The following ACOT11 variants were observed in gnomAD, a reference collection of about 807,000 sequenced individuals.
The protein encoded by ACOT11 is acyl-CoA thioesterase 11.
ACOT11 carries 69 observed loss-of-function variants against 77.5 expected under a neutral mutation model. The ratio of observed to expected loss-of-function variants is 0.89; its 90% CI spans 0.73 to 1.09. The LOEUF is 1.09. Among genes scored for constraint, ACOT11 ranks in the 50% least tolerant of loss-of-function variants. The probability of loss-of-function intolerance (pLI) is 0.00; values close to 1 mark genes in which losing one functional copy is unlikely to be tolerated. For missense variants in ACOT11, 766 were observed against 813.7 expected (o/e 0.94, Z 0.71); for synonymous variants, 279 against 313.0 (o/e 0.89, Z 1.15).
intron 1 of ACOT11, among the ~76,000 whole-genome samples, chr1:54,562,268 C>A (rs1653538159): frequency 3.4e-5 from 4 of 117,900 alleles, no homozygotes; most frequent in Non-Finnish European, 5.3e-5. Context: ...AGGCGGGGGG[C>A]TGACCCCCCA....
chr1:54,603,816 G>A, intron 10 of ACOT11, 55 bp from the exon 11 acceptor site: 1 of 1,545,100 alleles, frequency 6.5e-7, no homozygotes, highest in Non-Finnish European at 8.9e-7. Context: ...AGTAGAGTCT[G>A]TGGAAAGTGC....
exon 17 of ACOT11, chr1:54,635,024 C>T (rs1644323452): frequency 2.5e-6 from 1 of 403,740 alleles, no homozygotes; most frequent in African/African-American, 2.1e-5. Flanking sequence ...TGCCTGGATG[C>T]AATCATTCTA....
In ACOT11 at chr1:54,603,944, C is replaced by A; in HGVS notation, c.1152+7C>A. The A allele has an allele frequency of 2.5e-6, 4 of 1,613,636 alleles. No individual in the cohort carries two copies. The South Asian group carries it at 4.4e-5, about 18-fold the overall frequency. ...CTGGGACCCTAGCAACCAGGTAAGG[C>A]TCTCTGCTCCGAGAGGACAGTCTTC... is the stretch of plus-strand genomic sequence containing the variant. On this transcript the variant is annotated splice_region_variant and intron_variant, in intron 11 of 15. Transcript: ENST00000343744.
intron 13 of ACOT11, 67 bp downstream of exon 13, chr1:54,605,276 T>G: frequency 6.4e-7 from 1 of 1,557,238 alleles, no homozygotes; most frequent in Non-Finnish European, 8.7e-7. Context: ...GAGTGTCTCC[T>G]TCTGCGGGTC....
chr1:54,594,016 G>A lies in ACOT11; in HGVS notation c.448G>A (p.Val150Met), dbSNP rs780870855. The A allele has an allele frequency of 6.2e-6, 10 of 1,614,048 alleles. No homozygotes were observed. The highest frequency in any genetic ancestry group is 2.2e-5 in the East Asian group (1 of 44,880). Reference sequence around the variant, plus strand: ...TGTGTGCAAGGCCTTGGCCACCTTCGTGGCCCGCCGAGAGATCACCAAGGT... The same window carrying A: ...TGTGTGCAAGGCCTTGGCCACCTTCATGGCCCGCCGAGAGATCACCAAGGT... ...WNVCKALATFVARREITKVKL... is the reference protein window; with the variant it reads ...WNVCKALATFMARREITKVKL... The change falls in exon 5 of 16, where the codon GTG becomes ATG. Residue 150 changes from valine to methionine, a missense_variant. Physicochemically the swap from Val to Met is conservative, Grantham distance 21. Coordinates refer to ENST00000343744, the MANE Select transcript of ACOT11 (RefSeq NM_147161.4).
intron 7 of ACOT11, chr1:54,598,385 T>G (rs1408769537): frequency 1.3e-5 from 2 of 152,252 alleles, no homozygotes; most frequent in Non-Finnish European, 2.9e-5. Context: ...CTTTCTTCTG[T>G]CCCCTCAAAC....
chr1:54,638,326 A>C (rs1644342436), exon 17 of ACOT11: 1 of 152,174 alleles, frequency 6.6e-6, no homozygotes, highest in South Asian at 2.1e-4. Flanking sequence ...TGAGAATTAT[A>C]ATTTTTTGGC....
intron 1 of ACOT11, among the ~76,000 whole-genome samples, chr1:54,559,190 G>A (rs964263690): frequency 2.6e-5 from 4 of 152,314 alleles, no homozygotes; most frequent in Admixed American, 1.3e-4. Flanking sequence ...TGGAACTTCC[G>A]TGCACCTAGA....
Position 54,592,528 on chromosome 1 carries a change from C to G in ACOT11, c.312-18C>G. 1.9e-6 allele frequency: 3 copies of G among 1,609,302 alleles called. No homozygotes were observed. Among genetic ancestry groups the G allele is most frequent in the Non-Finnish European group, 2.5e-6 (3 of 1,177,468 alleles). Reference sequence around the variant, plus strand: ...CTGGCCCCTCTGGAAGGCTCACCTCCTACTTTCCTCTCCCCAGTGTTGGAC... The same window carrying G: ...CTGGCCCCTCTGGAAGGCTCACCTCGTACTTTCCTCTCCCCAGTGTTGGAC... On this transcript the variant is annotated intron_variant, in intron 3 of 15. Transcript: ENST00000343744.
At chr1:54,548,926 C>T (rs188958008) in intron 1 of ACOT11, among the ~76,000 whole-genome samples, 7 of 152,294 alleles carry the variant, frequency 4.6e-5, no homozygotes, top group African/African-American at 1.7e-4. Context: ...GTTGCTGAGG[C>T]ACACGGCAGA....
Position 54,628,028 on chromosome 1 carries a change from A to G in ACOT11, c.1630-2706A>G, listed in dbSNP as rs1253748558. 3.8e-5 allele frequency: 5 copies of G among 133,278 alleles called. 2 individuals are homozygous for G. The highest frequency in any genetic ancestry group is 7.7e-5 in the Admixed American group (1 of 12,938). The allele number at this position is 133,278 out of a possible 1,614,324, so 8.3% of individuals were successfully genotyped here. A position where few individuals can be genotyped will look rare whatever the true frequency, so the allele number is the denominator to read the frequency against. ...AACCTGGATGGGTTGGGGAGCCCTT[A>G]CCCATGGGATAAGCAGGGAGCGCCA... On this transcript the variant is annotated intron_variant, in intron 15 of 16. Transcript: ENST00000371316.
chr1:54,609,269 C>G lies in ACOT11; in HGVS notation c.*157C>G, dbSNP rs772138737. Reference sequence around the variant, plus strand: ...CGCTGGCCCACCACCCCTGGGTGCTCAGTTTCTACCAACATGAGCCAGCAA... The same window carrying G: ...CGCTGGCCCACCACCCCTGGGTGCTGAGTTTCTACCAACATGAGCCAGCAA... On this transcript the variant is annotated 3_prime_UTR_variant, in exon 16 of 16. Transcript: ENST00000343744. The G allele has an allele frequency of 1.9e-6, 3 of 1,601,234 alleles. No individual in the cohort carries two copies. In the African/African-American group the frequency reaches 4.0e-5, roughly 21 times the overall value.
At chr1:54,634,965 C>T (rs554814611) in exon 17 of ACOT11, 1 of 487,490 alleles carries the variant, frequency 2.1e-6, no homozygotes, top group Admixed American at 3.8e-5. Flanking sequence ...GCTATGATAG[C>T]AGTTATCACC....
chr1:54,638,962 G>A (rs1308719107), exon 17 of ACOT11: 4 of 152,184 alleles, frequency 2.6e-5, no homozygotes, highest in South Asian at 2.1e-4. Context: ...AGGCTGAAGC[G>A]GGAGGATCGC....
rs975851235 is a variant in ACOT11 at position 54,628,835 on chromosome 1, G to A, written c.1630-1899G>A. Among the ~76,000 whole-genome samples the A allele has an allele frequency of 3.0e-5, 4 of 132,556 alleles. 1 individual carries two copies. Among genetic ancestry groups the A allele is most frequent in the Admixed American group, 1.6e-4 (2 of 12,806 alleles). 87.0% of individuals were successfully genotyped at this position (132,556 alleles called of 152,430 possible). A position where few individuals can be genotyped will look rare whatever the true frequency, so the allele number is the denominator to read the frequency against. On this transcript the variant is annotated intron_variant, in intron 15 of 16. Transcript: ENST00000371316. ...AACACTTTGGGAGGCTAAGGCGGGC[G>A]GATCACTCAAGATCAGGCATTCGAG...
intron 15 of ACOT11, among the ~76,000 whole-genome samples, chr1:54,625,243 C>T (rs1644264951): frequency 1.1e-5 from 1 of 93,822 alleles, no homozygotes; most frequent in Non-Finnish European, 2.6e-5. Flanking sequence ...CTGGCTCATT[C>T]TCCAAATCAA....
At chr1:54,575,427 G>T (rs556817447) in intron 1 of ACOT11, among the ~76,000 whole-genome samples, 9 of 152,180 alleles carry the variant, frequency 5.9e-5, no homozygotes, top group Non-Finnish European at 1.2e-4. Flanking sequence ...GAGGGAGGCA[G>T]GTGACATTTG....
intron 1 of ACOT11, among the ~76,000 whole-genome samples, chr1:54,570,744 G>A (rs939393905): frequency 6.6e-6 from 1 of 151,026 alleles, no homozygotes; most frequent in African/African-American, 2.4e-5. Context: ...ACAGCAGCAA[G>A]ATCTTGGCTC....
intron 15 of ACOT11, chr1:54,619,963 A>G (rs1644213467): frequency 1.9e-6 from 3 of 1,614,192 alleles, no homozygotes; most frequent in Non-Finnish European, 2.5e-6. Context: ...CTCAGCAGGT[A>G]GTCCAGCATG....
Sources: allele counts gnomAD v4.1 joint callset (sites outside exome capture counted in the v4.1 genomes callset), GRCh38; gene constraint gnomAD v4.1.1; transcripts MANE v1.5; gene names NCBI Gene and HGNC (gene_info 2026-07-23, HGNC 2026-07-21).